SUB1: variants seen among roughly 807,000 people sequenced by gnomAD.
SUB1 encodes the protein SUB1 regulator of transcription.
Under a neutral mutation model 16.9 loss-of-function variants are expected in SUB1, and 1 was observed. The observed-to-expected ratio is 0.06, with a 90% confidence interval of 0.02 to 0.28. The LOEUF (loss-of-function observed/expected upper bound fraction) is 0.28. SUB1 is among the 10% of genes least tolerant of loss of function. The pLI is 1.00. For missense variants in SUB1, 84 were observed against 145.2 expected, an observed-to-expected ratio of 0.58 and a Z score of 2.16; for synonymous variants, 51 against 46.9, an observed-to-expected ratio of 1.09 and a Z score of -0.36.
In SUB1 at chr5:32,590,717, T is replaced by C. The variant is rs1282527029; in HGVS notation, c.73-846T>C. On this transcript the variant is annotated intron_variant, in intron 2 of 4. Coordinates refer to ENST00000265073, the MANE Select transcript of SUB1 (RefSeq NM_006713.4). ...TTCAAGCGATTCTCCTGCCTCAGCC[T>C]TCCGAGTAGCTGGGATTACAGGCGT... Among the ~76,000 whole-genome samples the C allele has an allele frequency of 2.7e-5, 4 of 146,550 alleles. No homozygotes were observed. In the East Asian group the frequency reaches 6.0e-4, roughly 22 times the overall value.
chr5:32,591,792 C>T, intron 3 of SUB1, 107 bp downstream of exon 3: 3 of 1,320,260 alleles, frequency 2.3e-6, no homozygotes, highest in Non-Finnish European at 3.0e-6. Flanking sequence ...CCTCAGCCTC[C>T]TGAGTTCAAG....
chr5:32,594,566 T>A (rs2111671160), intron 3 of SUB1: 1 of 452,288 alleles, frequency 2.2e-6, no homozygotes, highest in Admixed American at 2.4e-5. Context: ...TTTTTGTGTT[T>A]GAAGGAATTA....
chr5:32,589,713 G>A (rs1738769104), intron 2 of SUB1, among the ~76,000 whole-genome samples: 1 of 152,164 alleles, frequency 6.6e-6, no homozygotes, highest in Admixed American at 6.5e-5. Context: ...TATCTGAAGA[G>A]ATATTTATAT....
intron 2 of SUB1, among the ~76,000 whole-genome samples, chr5:32,589,665 T>C (rs763453209): frequency 2.0e-5 from 3 of 152,224 alleles, no homozygotes; most frequent in Non-Finnish European, 4.4e-5. Flanking sequence ...GGTCAAGTCT[T>C]CCGTGCAGAA....
At position 32,602,140 on chromosome 5, in the gene SUB1, A is replaced by G. The variant is rs1202798998; in HGVS notation, c.*1056A>G. ...GACCAATGGCATTCTAGACTTGATG[A>G]TACTAAGTTTTAGCAGACACTAGTA... is the stretch of plus-strand genomic sequence containing the variant. On this transcript the variant is annotated 3_prime_UTR_variant, in exon 5 of 5. Coordinates refer to ENST00000265073, the MANE Select transcript of SUB1 (RefSeq NM_006713.4). 1 of 440,898 alleles carries G rather than the reference A, an allele frequency of 2.3e-6. No individual in the cohort carries two copies. The highest frequency in any genetic ancestry group is 4.5e-6 in the Non-Finnish European group (1 of 221,132). 27.3% of individuals were successfully genotyped at this position (440,898 alleles called of 1,614,324 possible).
intron 3 of SUB1, chr5:32,595,769 AC>A (rs1471253235): frequency 1.3e-5 from 2 of 152,202 alleles, no homozygotes; most frequent in African/African-American, 4.8e-5. Context: ...AGCCATCGGT[AC>A]TACTTAGGAG....
chr5:32,602,486 A>G lies in SUB1; in HGVS notation c.*1402A>G, dbSNP rs1739139604. 2 of 222,620 alleles carry G rather than the reference A, an allele frequency of 9.0e-6. No homozygotes were observed. The highest frequency in any genetic ancestry group is 1.0e-4 in the South Asian group (2 of 19,266). The allele number at this position is 222,620 out of a possible 1,614,324, so 13.8% of individuals were successfully genotyped here. A position where few individuals can be genotyped will look rare whatever the true frequency, so the allele number is the denominator to read the frequency against. ...AGCAAATCTCAAATGGTTACCTGCT[A>G]TTAAGGTCTGCCATATTAGAGTTTT... is the stretch of plus-strand genomic sequence containing the variant. On this transcript the variant is annotated 3_prime_UTR_variant, in exon 5 of 5. Transcript: ENST00000265073.
Position 32,602,473 on chromosome 5 carries a change from A to G in SUB1, c.*1389A>G. 1 of 237,982 alleles carries G rather than the reference A, an allele frequency of 4.2e-6. No homozygotes were observed. The highest frequency in any genetic ancestry group is 4.4e-5 in the South Asian group (1 of 22,630). The allele number at this position is 237,982 out of a possible 1,614,324, so 14.7% of individuals were successfully genotyped here. A position where few individuals can be genotyped will look rare whatever the true frequency, so the allele number is the denominator to read the frequency against. ...AATTATTTTTGGTAGCAAATCTCAA[A>G]TGGTTACCTGCTATTAAGGTCTGCC... On this transcript the variant is annotated 3_prime_UTR_variant, in exon 5 of 5. Transcript: ENST00000265073.
intron 2 of SUB1, among the ~76,000 whole-genome samples, chr5:32,590,657 G>A (rs59465213): frequency 4.1e-4 from 61 of 149,768 alleles, no homozygotes; most frequent in African/African-American, 1.5e-3. Flanking sequence ...GTGTAATGGC[G>A]CGATCTCGGC....
At position 32,591,614 on chromosome 5, in the gene SUB1, A is replaced by G. The variant is rs1212608312; in HGVS notation, c.124A>G (p.Thr42Ala). The G allele has an allele frequency of 6.2e-7, 1 of 1,611,154 alleles. No homozygotes were observed. The highest frequency in any genetic ancestry group is 8.5e-7 in the Non-Finnish European group (1 of 1,178,920). Residue 42 changes from threonine (T) to alanine (A), a missense_variant, in exon 3 of 5, where the codon ACA (threonine) becomes GCA (alanine). This residue lies in a region of SUB1 where 60 missense variants were observed against 64.9 expected (regional missense o/e 0.92). Transcript: ENST00000265073. ...AGAAAAACCTGTAAAGAAACAAAAG[A>G]CAGGTGAGACTTCGAGAGCCCTGTC... ...APEKPVKKQK[T>A]GETSRALSSS...
intron 2 of SUB1, among the ~76,000 whole-genome samples, chr5:32,590,471 C>T (rs1738791281): frequency 6.6e-6 from 1 of 150,492 alleles, no homozygotes; most frequent in South Asian, 2.1e-4. Flanking sequence ...GAAAGCTAGT[C>T]TAACACATAG....
intron 3 of SUB1, among the ~76,000 whole-genome samples, chr5:32,593,648 A>G (rs1300795778): frequency 2.0e-5 from 3 of 151,714 alleles, no homozygotes; most frequent in Non-Finnish European, 4.4e-5. Context: ...TAAGGCTGAC[A>G]TTGCACCTTT....
chr5:32,593,941 C>T (rs894708715), intron 3 of SUB1, among the ~76,000 whole-genome samples: 1 of 152,168 alleles, frequency 6.6e-6, no homozygotes, highest in African/African-American at 2.4e-5. Flanking sequence ...ATCTGCCTGC[C>T]TTGGCCTCCC....
At chr5:32,590,785 T>TTTTTTTTTTTTTG (rs1561033588) in intron 2 of SUB1, among the ~76,000 whole-genome samples, 2 of 131,860 alleles carry the variant, frequency 1.5e-5, no homozygotes, top group Non-Finnish European at 3.3e-5. Context: ...TTTTTTTTTT[T>TTTTTTTTTTTTTG]GAGATGGAGT....
Position 32,590,762 on chromosome 5 carries a change from A to ATTTTTTTTTTTTTTTTTTTTT in SUB1, c.73-798_73-778dup. On this transcript the variant is annotated intron_variant, in intron 2 of 4. Transcript: ENST00000265073. ...AGGCGTGTGCCACCACGCCTGGCTA[A>ATTTTTTTTTTTTTTTTTTTTT]TTTTTTTTTTTTTTTTTTTTTTTGA... Among the ~76,000 whole-genome samples the ATTTTTTTTTTTTTTTTTTTTT allele has an allele frequency of 1.5e-4, 5 of 33,978 alleles. 1 individual carries two copies. The highest frequency in any genetic ancestry group is 1.1e-3 in the Admixed American group (2 of 1,888). The allele number at this position is 33,978 out of a possible 152,430, so 22.3% of individuals were successfully genotyped here.
Position 32,601,820 on chromosome 5 carries a change from T to G in SUB1, c.*736T>G, listed in dbSNP as rs1003406569. On this transcript the variant is annotated 3_prime_UTR_variant, in exon 5 of 5. Coordinates refer to ENST00000265073, the MANE Select transcript of SUB1 (RefSeq NM_006713.4). ...CCATAGTGTTCTGTGTAGTTATTGC[T>G]TAGTCTGCAGAAAATAATGACTTAG... 6.2e-6 allele frequency: 1 copy of G among 161,194 alleles called. No individual in the cohort carries two copies. The highest frequency in any genetic ancestry group is 2.4e-5 in the African/African-American group (1 of 41,566). 10.0% of individuals were successfully genotyped at this position (161,194 alleles called of 1,614,324 possible).
intron 3 of SUB1, chr5:32,594,907 G>T (rs568111867): frequency 1.9e-5 from 3 of 156,346 alleles, no homozygotes; most frequent in Non-Finnish European, 4.3e-5. Context: ...TCTTCAGAGG[G>T]GACAGGGAAT....
Position 32,592,917 on chromosome 5 carries a change from GA to G in SUB1, c.195+1236del, listed in dbSNP as rs1244026992. On this transcript the variant is annotated intron_variant, in intron 3 of 4. Transcript: ENST00000265073. ...ATGTAGGTTAAGAGAGAGGGTGAAG[GA>G]AAATTAGAAGAGTGCAGTAATGGGA... Among the ~76,000 whole-genome samples the G allele has an allele frequency of 2.0e-5, 3 of 152,198 alleles. No homozygotes were observed. The East Asian group carries it at 5.8e-4, about 29-fold the overall frequency.
chr5:32,587,993 A>G (rs1383585025), intron 1 of SUB1, among the ~76,000 whole-genome samples: 1 of 152,172 alleles, frequency 6.6e-6, no homozygotes, highest in Non-Finnish European at 1.5e-5. Context: ...ATATGAATAA[A>G]ATATTATGTA....
Sources: allele counts gnomAD v4.1 joint callset (sites outside exome capture counted in the v4.1 genomes callset), GRCh38; gene constraint gnomAD v4.1.1; regional missense constraint gnomAD v4.1.1; transcripts MANE v1.5; gene names NCBI Gene and HGNC (gene_info 2026-07-23, HGNC 2026-07-21).